Variants in CAMSAP2 observed in about 807,000 individuals in gnomAD.
CAMSAP2 encodes calmodulin-regulated spectrin-associated protein 2.
In CAMSAP2, 26 loss-of-function variants were observed where a neutral mutation model predicts 146.1. That is an observed-to-expected ratio of 0.18 (90% confidence interval 0.13 to 0.25). The LOEUF is 0.25. Among genes scored for constraint, CAMSAP2 ranks in the 10% least tolerant of loss-of-function variants. CAMSAP2 has a pLI of 1.00. For synonymous variants in CAMSAP2, 499 were observed against 596.6 expected (o/e 0.84, Z 2.38); for missense variants, 1,381 against 1,759.3 (o/e 0.78, Z 3.85).
chr1:200,803,417 G>A (rs185214506), intron 2 of CAMSAP2, among the ~76,000 whole-genome samples: 77 of 152,248 alleles, frequency 5.1e-4, no homozygotes, highest in African/African-American at 1.8e-3. Flanking sequence ...AACAGTGTTA[G>A]TTATTGTTAT....
At position 200,849,820 on chromosome 1, in the gene CAMSAP2, G is replaced by C. The variant is rs1256475168; in HGVS notation, c.3051G>C (p.Arg1017Ser). The C allele has an allele frequency of 1.2e-6, 2 of 1,614,156 alleles. No homozygotes were observed. The highest frequency in any genetic ancestry group is 1.7e-6 in the Non-Finnish European group (2 of 1,180,032). ...CAAGTCAAGTTCCTATTCAAACTAG[G>C]TCATTTGTATGTTTTGGGGATGATG... ...FSPSQVPIQT[R>S]SFVCFGDDGE... Residue 1017 changes from arginine to serine, a missense_variant, in exon 11 of 17, where the codon AGG becomes AGC. Physicochemically the swap from Arg to Ser is moderately radical, Grantham distance 110. Coordinates refer to ENST00000358823, the MANE Select transcript of CAMSAP2 (RefSeq NM_203459.4). This position sits in a 1 kb window ranked among gnomAD's most constrained non-coding sequence, Gnocchi z 6.3.
Position 200,848,197 on chromosome 1 carries a change from A to C in CAMSAP2, c.1428A>C (p.Pro476=). 1.2e-6 allele frequency: 2 copies of C among 1,613,964 alleles called. No homozygotes were observed. The highest frequency in any genetic ancestry group is 1.7e-6 in the Non-Finnish European group (2 of 1,179,898). Residue 476 remains proline, a synonymous_variant, in exon 11 of 17, where the codon CCA becomes CCC. Transcript: ENST00000358823. ...TTAGGAAAAATTTGTCCTTCAAGCC[A>C]ATAAATGGAGAAGAGGAAGCAGAGA... ...KHIRKNLSFK[P]INGEEEAESI...
intron 3 of CAMSAP2, among the ~76,000 whole-genome samples, chr1:200,809,149 A>G (rs1404827299): frequency 1.6e-4 from 25 of 152,026 alleles, no homozygotes; most frequent in Admixed American, 1.6e-3. Flanking sequence ...TTTCCCTACT[A>G]CTGTCAGCTA....
rs1002402724 is a variant in CAMSAP2, at chr1:200,860,100, C to G, written c.*2041C>G. On this transcript the variant is annotated 3_prime_UTR_variant, in exon 17 of 17. Coordinates refer to ENST00000358823, the MANE Select transcript of CAMSAP2 (RefSeq NM_203459.4). ...CAGTTGAATTGAATGTCTATAAGGT[C>G]TAAAGGTAGAATGTGAATATTGCCA... 4 of 152,616 alleles carry G rather than the reference C, an allele frequency of 2.6e-5. No homozygotes were observed. The highest frequency in any genetic ancestry group is 5.9e-5 in the Non-Finnish European group (4 of 67,970). The allele number at this position is 152,616 out of a possible 1,614,324, so 9.5% of individuals were successfully genotyped here.
At chr1:200,740,021 G>A in intron 1 of CAMSAP2, 55 bp downstream of exon 1, 1 of 1,591,480 alleles carries the variant, frequency 6.3e-7, no homozygotes, top group South Asian at 1.1e-5. Context: ...TCCACATCTC[G>A]GTTTTTGTTC....
At chr1:200,775,722 G>A (rs1479414766) in intron 2 of CAMSAP2, among the ~76,000 whole-genome samples, 1 of 151,986 alleles carries the variant, frequency 6.6e-6, no homozygotes, top group Non-Finnish European at 1.5e-5. Context: ...TAGAGATGAG[G>A]TTTCACCATG....
intron 4 of CAMSAP2, among the ~76,000 whole-genome samples, chr1:200,816,603 A>ATAT (rs1553288205): frequency 2.7e-5 from 3 of 110,928 alleles, no homozygotes; most frequent in African/African-American, 6.4e-5. Context: ...TCAAAAAAAA[A>ATAT]AAATATATAT....
At chr1:200,855,409 G>T (rs1006423007) in intron 14 of CAMSAP2, among the ~76,000 whole-genome samples, 9 of 150,072 alleles carry the variant, frequency 6.0e-5, no homozygotes, top group Non-Finnish European at 1.2e-4. Flanking sequence ...TATCAGAAAA[G>T]AACATTTCTA....
intron 2 of CAMSAP2, among the ~76,000 whole-genome samples, chr1:200,766,293 A>AG (rs1379597916): frequency 4.0e-5 from 6 of 151,736 alleles, no homozygotes; most frequent in Non-Finnish European, 8.8e-5. Context: ...GCAGACGTGC[A>AG]CCACCCCACC....
At position 200,848,548 on chromosome 1, in the gene CAMSAP2, T is replaced by C. The variant is rs1375948100; in HGVS notation, c.1779T>C (p.Thr593=). 1.2e-6 allele frequency: 2 copies of C among 1,613,976 alleles called. No homozygotes were observed. The highest frequency in any genetic ancestry group is 1.3e-5 in the African/African-American group (1 of 74,940). Residue 593 remains threonine (T), a synonymous_variant, in exon 11 of 17, where the codon ACT becomes ACC. Coordinates refer to ENST00000358823, the MANE Select transcript of CAMSAP2 (RefSeq NM_203459.4). ...ATCAATCTAGTCCTGATAATGTAAC[T>C]GATACGAAAGGTGCCTTGAGTCCCA... ...KLNQSSPDNV[T]DTKGALSPIT... is the part of the protein sequence containing the mutation.
chr1:200,806,951 T>C (rs888590783), intron 2 of CAMSAP2, among the ~76,000 whole-genome samples: 1 of 152,124 alleles, frequency 6.6e-6, no homozygotes, highest in African/African-American at 2.4e-5. Context: ...TGGGTCTGAA[T>C]TGGAACTGTG....
chr1:200,740,497 C>T (rs2102980572), intron 1 of CAMSAP2, among the ~76,000 whole-genome samples: 1 of 152,330 alleles, frequency 6.6e-6, no homozygotes, highest in Non-Finnish European at 1.5e-5. Context: ...GCTGTATCAG[C>T]CTTCTGCACG....
chr1:200,794,589 T>A (rs1665834182), intron 2 of CAMSAP2, among the ~76,000 whole-genome samples: 1 of 152,202 alleles, frequency 6.6e-6, no homozygotes. Context: ...TTCTTCCATA[T>A]TTGAATCTTA....
At chr1:200,795,996 C>T (rs145012016) in intron 2 of CAMSAP2, among the ~76,000 whole-genome samples, 388 of 152,176 alleles carry the variant, frequency 2.5e-3, no homozygotes, top group Non-Finnish European at 4.8e-3. Context: ...CAGTTTTGTG[C>T]GATCAGTTGT....
chr1:200,773,344 C>T (rs950952022), intron 2 of CAMSAP2, among the ~76,000 whole-genome samples: 1 of 151,528 alleles, frequency 6.6e-6, no homozygotes, highest in Non-Finnish European at 1.5e-5. Context: ...ACCTCTGCCT[C>T]CCAGGTTCAG....
intron 3 of CAMSAP2, 142 bp from the exon 4 acceptor site, chr1:200,815,419 A>G (rs1666454621): frequency 4.7e-6 from 2 of 426,542 alleles, no homozygotes; most frequent in South Asian, 1.5e-4. Context: ...GTGAAGCTGA[A>G]ATTTTCTTTA....
chr1:200,760,028 T>C (rs1042043203), intron 1 of CAMSAP2, among the ~76,000 whole-genome samples: 2 of 152,178 alleles, frequency 1.3e-5, no homozygotes, highest in Admixed American at 6.5e-5. Flanking sequence ...GGAGTGGACA[T>C]TGGAAGAGTA....
chr1:200,777,181 A>G (rs1199359567), intron 2 of CAMSAP2, among the ~76,000 whole-genome samples: 1 of 152,156 alleles, frequency 6.6e-6, no homozygotes, highest in Non-Finnish European at 1.5e-5. Flanking sequence ...ACTCCTTTGA[A>G]TATACTAACC....
At chr1:200,767,812 T>G (rs1278979825) in intron 2 of CAMSAP2, among the ~76,000 whole-genome samples, 1 of 152,224 alleles carries the variant, frequency 6.6e-6, no homozygotes, top group Admixed American at 6.5e-5. Context: ...TGTTTACTAC[T>G]CATGTACCTA....
Sources: allele counts gnomAD v4.1 joint callset (sites outside exome capture counted in the v4.1 genomes callset), GRCh38; gene constraint gnomAD v4.1.1; non-coding constraint Gnocchi (gnomAD v3.1); transcripts MANE v1.5; gene names NCBI Gene and HGNC (gene_info 2026-07-23, HGNC 2026-07-21).